RGL1: variants seen among roughly 807,000 people sequenced by gnomAD.
RGL1 encodes ral guanine nucleotide dissociation stimulator-like 1.
In RGL1, 24 loss-of-function variants were observed where a neutral mutation model predicts 95.2. That is an observed-to-expected ratio of 0.25 (90% CI 0.18 to 0.35). The LOEUF (loss-of-function observed/expected upper bound fraction) is 0.35. Among genes scored for constraint, RGL1 ranks in the 10% least tolerant of loss-of-function variants. The pLI, the probability that RGL1 is intolerant of heterozygous loss-of-function variation, is 1.00. For synonymous variants in RGL1, 329 were observed against 344.9 expected (o/e 0.95, Z 0.51); for missense variants, 715 against 936.3 (o/e 0.76, Z 3.08).
At chr1:183,784,218 G>C (rs1050294096) in intron 2 of RGL1, among the ~76,000 whole-genome samples, 4 of 152,188 alleles carry the variant, frequency 2.6e-5, no homozygotes, top group Non-Finnish European at 5.9e-5. Context: ...AGAATATGGC[G>C]ATAGATGACA....
chr1:183,827,007 C>G (rs929116401), intron 2 of RGL1, among the ~76,000 whole-genome samples: 1 of 152,134 alleles, frequency 6.6e-6, no homozygotes, highest in Non-Finnish European at 1.5e-5. Flanking sequence ...ACTACAACCT[C>G]CGCCTCCCAG....
intron 2 of RGL1, among the ~76,000 whole-genome samples, chr1:183,789,590 G>C (rs867132910): frequency 6.6e-6 from 1 of 152,306 alleles, no homozygotes; most frequent in East Asian, 1.9e-4. Context: ...GAGCAATTTG[G>C]AATCAGAGTA....
At chr1:183,877,168 T>A (rs1359353457) in intron 4 of RGL1, among the ~76,000 whole-genome samples, 3 of 152,212 alleles carry the variant, frequency 2.0e-5, no homozygotes, top group Non-Finnish European at 4.4e-5. Flanking sequence ...AAGCGTCCTG[T>A]CTTGGTCTGT....
chr1:183,798,336 G>A (rs941391932), intron 2 of RGL1, among the ~76,000 whole-genome samples: 2 of 152,004 alleles, frequency 1.3e-5, no homozygotes, highest in African/African-American at 4.8e-5. Flanking sequence ...TTCAAGGCAA[G>A]TTTTTTTAAA....
intron 4 of RGL1, among the ~76,000 whole-genome samples, chr1:183,877,405 C>A (rs1238397447): frequency 1.3e-5 from 2 of 152,154 alleles, no homozygotes; most frequent in Admixed American, 1.3e-4. Flanking sequence ...ATGTTGCTTT[C>A]TTTTTTGAAA....
chr1:183,889,916 T>C (rs1347778326), intron 8 of RGL1, among the ~76,000 whole-genome samples: 2 of 152,172 alleles, frequency 1.3e-5, no homozygotes, highest in Non-Finnish European at 2.9e-5. Flanking sequence ...CTTCTCTATT[T>C]TGAATAATCA....
intron 16 of RGL1, among the ~76,000 whole-genome samples, chr1:183,919,861 G>A (rs190805246): frequency 1.4e-4 from 21 of 152,296 alleles, no homozygotes; most frequent in African/African-American, 5.1e-4. Context: ...GGCCACGGGT[G>A]GCGATGGAGC....
At chr1:183,683,105 T>G (rs188078629) in intron 1 of RGL1, among the ~76,000 whole-genome samples, 2 of 152,330 alleles carry the variant, frequency 1.3e-5, no homozygotes, top group Non-Finnish European at 2.9e-5. Context: ...AGCACACTGA[T>G]GGGTCTTGAC....
chr1:183,842,487 C>T (rs933768556), intron 2 of RGL1, among the ~76,000 whole-genome samples: 4 of 151,984 alleles, frequency 2.6e-5, no homozygotes, highest in African/African-American at 4.8e-5. Flanking sequence ...ATGCCAAAAT[C>T]GATAATTATG....
intron 9 of RGL1, among the ~76,000 whole-genome samples, chr1:183,896,531 A>G (rs897490072): frequency 2.6e-5 from 4 of 152,228 alleles, no homozygotes; most frequent in East Asian, 1.9e-4. Flanking sequence ...TTGATGCTCT[A>G]TCACTATCAG....
chr1:183,660,914 C>T lies in RGL1; in HGVS notation c.-33+24413C>T, dbSNP rs574606161. ...CAGGAATAAGAAACTCACTCAAAACCGCTCAACTACATGGAAACCGAACAA... is the reference window on the plus strand; with the variant it reads ...CAGGAATAAGAAACTCACTCAAAACTGCTCAACTACATGGAAACCGAACAA... On this transcript the variant is annotated intron_variant, in intron 1 of 18. Transcript: ENST00000304685. 5.3e-5 allele frequency among the ~76,000 whole-genome samples: 8 copies of T among 152,220 alleles called. No individual in the cohort carries two copies. The East Asian group carries it at 7.7e-4, about 15-fold the overall frequency.
At chr1:183,846,170 A>G (rs1572494731) in intron 2 of RGL1, among the ~76,000 whole-genome samples, 1 of 152,246 alleles carries the variant, frequency 6.6e-6, no homozygotes, top group South Asian at 2.1e-4. Context: ...TAGACTGGAT[A>G]AAGAAAATGA....
In RGL1 at chr1:183,880,738, ACCC is replaced by A; in HGVS notation, c.549_551del (p.Asp183_Pro184delinsGlu). ...CTCACACGGATGATGCCGGGCTCTG[ACCC>A]AGAAAGAAGAGCACAAAATCTTCTT... On this transcript the variant is annotated inframe_deletion, in exon 5 of 18. Transcript: ENST00000360851. The A allele has an allele frequency of 6.2e-7, 1 of 1,613,942 alleles. No homozygotes were observed. The highest frequency in any genetic ancestry group is 8.5e-7 in the Non-Finnish European group (1 of 1,179,844).
rs1667597810 is a variant in RGL1 at position 183,894,774 on chromosome 1, T to C, written c.1140+2613T>C. 2.0e-5 allele frequency among the ~76,000 whole-genome samples: 3 copies of C among 152,312 alleles called. No individual in the cohort carries two copies. The South Asian group carries it at 6.2e-4, about 32-fold the overall frequency. The stretch of plus-strand genomic sequence containing the variant: ...AAATTCTTGGACTCTTAGTTTTAAA[T>C]GACCTAACTTCTCTTCTTCTGGGAA... On this transcript the variant is annotated intron_variant, in intron 9 of 17. Coordinates refer to ENST00000360851, the MANE Select transcript of RGL1 (RefSeq NM_001297671.3).
chr1:183,777,221 T>C (rs1258745602), intron 2 of RGL1, among the ~76,000 whole-genome samples: 1 of 152,234 alleles, frequency 6.6e-6, no homozygotes, highest in Non-Finnish European at 1.5e-5. Flanking sequence ...AGCTTTGTAA[T>C]ACAAAGTTAA....
chr1:183,915,226 T>G (rs1668890065), intron 15 of RGL1, among the ~76,000 whole-genome samples: 1 of 152,166 alleles, frequency 6.6e-6, no homozygotes, highest in Non-Finnish European at 1.5e-5. Context: ...ACTGTTTCCA[T>G]GGAAAGGCAG....
At chr1:183,828,944 A>G (rs1663070076) in intron 2 of RGL1, among the ~76,000 whole-genome samples, 1 of 152,250 alleles carries the variant, frequency 6.6e-6, no homozygotes, top group Admixed American at 6.5e-5. Context: ...TGTGCTCAGT[A>G]GAAGCAGATG....
intron 1 of RGL1, among the ~76,000 whole-genome samples, chr1:183,705,957 CGTGGACAGGGGT>C (rs762048440): frequency 6.6e-6 from 1 of 151,838 alleles, no homozygotes; most frequent in Non-Finnish European, 1.5e-5. Context: ...TTAAGAGTAA[CGTGGACAGGGGT>C]GTGGTGTTTT....
chr1:183,857,911 G>A (rs1034774650), intron 3 of RGL1, among the ~76,000 whole-genome samples: 8 of 152,166 alleles, frequency 5.3e-5, no homozygotes, highest in African/African-American at 1.9e-4. Flanking sequence ...TAGACACTGA[G>A]GGGATGCTGT....
Sources: gnomAD v4.1 joint callset for allele counts (sites outside exome capture counted in the v4.1 genomes callset) on GRCh38, gnomAD v4.1.1 for gene constraint, MANE v1.5 for transcripts, NCBI Gene and HGNC (gene_info 2026-07-23, HGNC 2026-07-21) for gene names.